Variants in OTUD7B observed in about 807,000 individuals in gnomAD.
OTUD7B encodes OTU domain-containing protein 7B.
A neutral mutation model predicts 82.2 loss-of-function variants in OTUD7B; 34 were observed. The ratio of observed to expected loss-of-function variants is 0.41; its 90% confidence interval spans 0.31 to 0.55. The LOEUF is 0.55. Among genes scored for constraint, OTUD7B ranks in the 20% least tolerant of loss-of-function variants. The pLI, the probability that OTUD7B is intolerant of heterozygous loss-of-function variation, is 0.20. For missense variants in OTUD7B, 944 were observed against 1,062.1 expected (o/e 0.89, Z 1.55); for synonymous variants, 398 against 402.7 (o/e 0.99, Z 0.14).
intron 2 of OTUD7B, among the ~76,000 whole-genome samples, chr1:149,972,163 T>A (rs1402388986): frequency 6.6e-6 from 1 of 152,196 alleles, no homozygotes; most frequent in Non-Finnish European, 1.5e-5. Context: ...AATTTCCTTA[T>A]CCGTGAAAAT....
intron 1 of OTUD7B, among the ~76,000 whole-genome samples, chr1:149,979,406 A>G (rs908586235): frequency 1.3e-5 from 2 of 152,192 alleles, no homozygotes; most frequent in Non-Finnish European, 2.9e-5. Context: ...TAACTAGGTG[A>G]CTTTGGTCAA....
chr1:149,942,806 T>A lies in OTUD7B; in HGVS notation c.*1051A>T, dbSNP rs587612645. On this transcript the variant is annotated 3_prime_UTR_variant, in exon 12 of 12. Transcript: ENST00000581312. ...AGGAAAAAAAATCATTTTTTAAATG[T>A]TTTTGCTTGCTGGGGTCTTTTTATT... 11 of 152,616 alleles carry A rather than the reference T, an allele frequency of 7.2e-5. No individual in the cohort carries two copies. In the East Asian group the frequency reaches 2.1e-3, roughly 29 times the overall value. The allele number at this position is 152,616 out of a possible 1,614,324, so 9.5% of individuals were successfully genotyped here.
chr1:149,988,060 T>C (rs902371995), intron 1 of OTUD7B, among the ~76,000 whole-genome samples: 3 of 152,216 alleles, frequency 2.0e-5, no homozygotes, highest in African/African-American at 4.8e-5. Flanking sequence ...ATCTCATGTA[T>C]ATTATCTATT....
intron 2 of OTUD7B, among the ~76,000 whole-genome samples, chr1:149,971,703 G>A (rs886166572): frequency 1.3e-5 from 2 of 152,156 alleles, no homozygotes; most frequent in African/African-American, 4.8e-5. Context: ...CTGCATATAA[G>A]ATCATGGGCT....
intron 7 of OTUD7B, among the ~76,000 whole-genome samples, chr1:149,954,687 A>T (rs1316150901): frequency 6.6e-6 from 1 of 151,792 alleles, no homozygotes; most frequent in Non-Finnish European, 1.5e-5. Context: ...TGGACTTTTT[A>T]TGGTTGGTAT....
At chr1:149,995,835 T>G (rs940099335) in intron 1 of OTUD7B, among the ~76,000 whole-genome samples, 3 of 152,156 alleles carry the variant, frequency 2.0e-5, no homozygotes, top group Non-Finnish European at 2.9e-5. Context: ...AAACAAGTCC[T>G]CTCTTAGATA....
At chr1:150,067,607 G>A in the OTUD7B span, 1 of 495,004 alleles carries the variant, frequency 2.0e-6, no homozygotes, top group Non-Finnish European at 3.6e-6. Context: ...CAGGCCGCAG[G>A]TGGGTGGAGA....
chr1:149,947,418 G>A, intron 10 of OTUD7B, 83 bp from the exon 11 acceptor site: 1 of 767,032 alleles, frequency 1.3e-6, no homozygotes, highest in Non-Finnish European at 2.3e-6. Flanking sequence ...GGTGGGAGAG[G>A]GCTACATGGC....
chr1:149,967,368 T>A lies in OTUD7B; in HGVS notation c.428A>T (p.Tyr143Phe). The A allele has an allele frequency of 6.2e-7, 1 of 1,614,172 alleles. No homozygotes were observed. Among genetic ancestry groups the A allele is most frequent in the Non-Finnish European group, 8.5e-7 (1 of 1,180,022 alleles). ...CAFQLPDLTV[Y>F]NEDFRSFIER... ...TATGAAGCTGCGGAAGTCTTCATTG[T>A]ATACAGTGAGATCTGGAAGCTGGAA... Residue 143 changes from tyrosine to phenylalanine, a missense_variant, in exon 4 of 12, where the codon TAC becomes TTC. This residue lies in a region of OTUD7B where 530 missense variants were observed against 625.6 expected (regional missense o/e 0.85). Transcript: ENST00000581312.
At position 149,943,943 on chromosome 1, in the gene OTUD7B, T is replaced by C. The variant is rs1647453025; in HGVS notation, c.2446A>G (p.Asn816Asp). The C allele has an allele frequency of 3.7e-6, 6 of 1,614,246 alleles. No individual in the cohort carries two copies. The highest frequency in any genetic ancestry group is 2.7e-5 in the African/African-American group (2 of 75,058). ...CTGTAACAACAGGAACAGAAGTTGT[T>C]TGTCTCAGGGTGTCCATAGAAGCTG... is the stretch of plus-strand genomic sequence containing the variant. ...NCSFYGHPET[N>D]NFCSCCYREE... Residue 816 changes from asparagine to aspartate, a missense_variant, in exon 12 of 12, where the codon AAC becomes GAC. Asn to Asp is a conservative substitution (Grantham distance 23). Around this residue, in one of 3 missense-constraint regions of OTUD7B, gnomAD observed 412 missense variants for 418.7 expected, o/e 0.98. Transcript: ENST00000581312.
chr1:150,003,828 G>A (rs1406172795), intron 1 of OTUD7B, among the ~76,000 whole-genome samples: 1 of 152,004 alleles, frequency 6.6e-6, no homozygotes, highest in Non-Finnish European at 1.5e-5. Context: ...CCACATCTAG[G>A]CCATGAATTG....
intron 6 of OTUD7B, chr1:149,962,413 A>C (rs1040112090): frequency 6.6e-6 from 1 of 152,214 alleles, no homozygotes; most frequent in African/African-American, 2.4e-5. Flanking sequence ...GGTGGGTAAT[A>C]ATGCTATGAA....
intron 7 of OTUD7B, 24 bp from the exon 8 acceptor site, chr1:149,950,245 G>A (rs112058376): frequency 0.048 from 76,851 of 1,611,662 alleles, 2,132 homozygotes; most frequent in Non-Finnish European, 0.053. Flanking sequence ...AAGGGAGAGA[G>A]TGAAAAGGGT....
intron 10 of OTUD7B, among the ~76,000 whole-genome samples, 199 bp from the exon 11 acceptor site, chr1:149,947,534 G>A (rs1278041406): frequency 1.3e-5 from 2 of 152,148 alleles, no homozygotes; most frequent in Non-Finnish European, 2.9e-5. Context: ...CTGCAGCTGA[G>A]AATGGGTATA....
Position 149,938,758 on chromosome 1 carries a change from T to TAAAA in OTUD7B, c.*5095_*5098dup, listed in dbSNP as rs66654345. 40,932 of 48,744 alleles carry TAAAA rather than the reference T, an allele frequency of 0.84. 18,015 individuals carry two copies. Among genetic ancestry groups the TAAAA allele is most frequent in the South Asian group, 0.94 (967 of 1,032 alleles). 3.0% of individuals were successfully genotyped at this position (48,744 alleles called of 1,614,324 possible). On this transcript the variant is annotated 3_prime_UTR_variant, in exon 12 of 12. Coordinates refer to ENST00000581312, the MANE Select transcript of OTUD7B (RefSeq NM_020205.4). ...ACATGGCGAAACCCCCGACTCTAAC[T>TAAAA]AAAAAAAAAAAAAAAAAAAAAAATT...
At chr1:149,953,290 T>C (rs1553773932) in intron 7 of OTUD7B, among the ~76,000 whole-genome samples, 1 of 152,228 alleles carries the variant, frequency 6.6e-6, no homozygotes, top group Non-Finnish European at 1.5e-5. Flanking sequence ...CCCAGCACCA[T>C]TTATAAAATA....
the OTUD7B span, among the ~76,000 whole-genome samples, chr1:150,052,770 CAAAACAGCATGGTACTG>C: frequency 1.4e-5 from 2 of 146,806 alleles, no homozygotes; most frequent in African/African-American, 5.1e-5. Flanking sequence ...CTACAGTGGC[CAAAACAGCATGGTACTG>C]GTAAAACAAA....
chr1:149,944,753 C>T lies in OTUD7B; in HGVS notation c.1636G>A (p.Glu546Lys). 1.2e-6 allele frequency: 2 copies of T among 1,614,008 alleles called. No homozygotes were observed. Among genetic ancestry groups the T allele is most frequent in the South Asian group, 2.2e-5 (2 of 91,068 alleles). The change falls in exon 12 of 12, where the codon GAG (glutamate) becomes AAG (lysine). Residue 546 changes from glutamate (E) to lysine (K), a missense_variant. Around this residue, in one of 3 missense-constraint regions of OTUD7B, gnomAD observed 412 missense variants for 418.7 expected, o/e 0.98. Transcript: ENST00000581312. The part of the protein sequence containing the change: ...GTGLGGSSGT[E>K]TLEKKKKNSL... Reference sequence around the variant, plus strand: ...TTTTTCTTCTTCTTCTCCAGTGTCTCAGTGCCGCTGCTTCCTCCCAACCCT... The same window carrying T: ...TTTTTCTTCTTCTTCTCCAGTGTCTTAGTGCCGCTGCTTCCTCCCAACCCT...
the OTUD7B span, chr1:150,050,531 T>C: frequency 1.3e-5 from 2 of 152,272 alleles, no homozygotes; most frequent in East Asian, 3.9e-4. Context: ...ATCTTCCAAG[T>C]CCAGAACACC....
Sources: allele counts gnomAD v4.1 joint callset (sites outside exome capture counted in the v4.1 genomes callset), GRCh38; gene constraint gnomAD v4.1.1; regional missense constraint gnomAD v4.1.1; transcripts MANE v1.5; gene names NCBI Gene and HGNC (gene_info 2026-07-23, HGNC 2026-07-21).